The following SMARCD2 variants were observed in gnomAD, a reference collection of about 807,000 sequenced individuals.
SMARCD2 encodes the protein SWI/SNF-related matrix-associated actin-dependent regulator of chromatin subfamily D member 2.
SMARCD2 carries 39 observed loss-of-function variants against 70.4 expected under a neutral mutation model. The ratio of observed to expected loss-of-function variants is 0.55; its 90% CI spans 0.43 to 0.72. The LOEUF (loss-of-function observed/expected upper bound fraction) is 0.72. Among genes scored for constraint, SMARCD2 ranks in the 30% least tolerant of loss-of-function variants. The pLI, the probability that SMARCD2 is intolerant of heterozygous loss-of-function variation, is 0.00. For missense variants in SMARCD2, 540 were observed against 713.4 expected (o/e 0.76, Z 2.77); for synonymous variants, 249 against 279.4 (o/e 0.89, Z 1.08).
chr17:63,839,245 G>C, intron 1 of SMARCD2: 1 of 985,428 alleles, frequency 1.0e-6, no homozygotes, highest in Non-Finnish European at 1.2e-6. Flanking sequence ...CTGAGACAAA[G>C]ACAGGGAAGA....
rs952284887 is a variant in SMARCD2 at position 63,834,671 on chromosome 17, C to T, written c.819+34G>A. 3.1e-6 allele frequency: 5 copies of T among 1,587,404 alleles called. No individual in the cohort carries two copies. The highest frequency in any genetic ancestry group is 1.1e-5 in the South Asian group (1 of 90,524). On this transcript the variant is annotated intron_variant, in intron 6 of 12. Coordinates refer to ENST00000448276, the MANE Select transcript of SMARCD2 (RefSeq NM_001098426.2). This position sits in a 1 kb window ranked among gnomAD's most constrained non-coding sequence, Gnocchi z 5.6. ...AGGCCATTTCCCTGCCAAACCTGCA[C>T]ATCAGCCTGCTTTTGCCCCAGGCCC...
At chr17:63,836,812 C>G in intron 4 of SMARCD2, 110 bp downstream of exon 4, 1 of 968,442 alleles carries the variant, frequency 1.0e-6, no homozygotes, top group Non-Finnish European at 1.6e-6. Flanking sequence ...TGGGCTGCAT[C>G]CTGCATGTGA....
Position 63,834,110 on chromosome 17 carries a change from G to T in SMARCD2, c.1083+57C>A. 1.2e-6 allele frequency: 2 copies of T among 1,603,114 alleles called. No individual in the cohort carries two copies. The highest frequency in any genetic ancestry group is 1.7e-6 in the Non-Finnish European group (2 of 1,171,574). The stretch of plus-strand genomic sequence containing the variant: ...GTCTGCAGGCTGTGGCCAAGGAGTA[G>T]CCCAGCAGGCAAGGCAAAGCAAGGG... On this transcript the variant is annotated intron_variant, in intron 8 of 12. Coordinates refer to ENST00000448276, the MANE Select transcript of SMARCD2 (RefSeq NM_001098426.2). The surrounding 1 kb of genome is among the most constrained non-coding windows in gnomAD (Gnocchi z 5.6).
chr17:63,836,834 C>G lies in SMARCD2; in HGVS notation c.567+88G>C, dbSNP rs967064242. ...CATCCTGCATGTGAAAAACCCGGCTCTAGCCCAACTTGCTTGGCCCCTGGA... is the reference window on the plus strand; with the variant it reads ...CATCCTGCATGTGAAAAACCCGGCTGTAGCCCAACTTGCTTGGCCCCTGGA... On this transcript the variant is annotated intron_variant, in intron 4 of 12. Transcript: ENST00000448276. The G allele has an allele frequency of 3.6e-6, 5 of 1,389,442 alleles. No homozygotes were observed. In the African/African-American group the frequency reaches 4.3e-5, roughly 12 times the overall value. The allele number at this position is 1,389,442 out of a possible 1,614,324, so 86.1% of individuals were successfully genotyped here.
Position 63,834,462 on chromosome 17 carries a change from G to A in SMARCD2, c.921+12C>T. The A allele has an allele frequency of 6.4e-7, 1 of 1,572,628 alleles. No individual in the cohort carries two copies. The highest frequency in any genetic ancestry group is 8.7e-7 in the Non-Finnish European group (1 of 1,153,482). On this transcript the variant is annotated intron_variant, in intron 7 of 12. Coordinates refer to ENST00000448276, the MANE Select transcript of SMARCD2 (RefSeq NM_001098426.2). The surrounding 1 kb of genome is among the most constrained non-coding windows in gnomAD (Gnocchi z 5.6). ...CCTGTGGGCCCAGAAATGACCCCAG[G>A]GTCTCTGTCACCTGATGATCCAGCA...
In SMARCD2 at chr17:63,834,273, T is replaced by G; in HGVS notation, c.977A>C (p.Gln326Pro). Residue 326 changes from glutamine to proline, a missense_variant, in exon 8 of 13, where the codon CAG (glutamine) becomes CCG (proline). Coordinates refer to ENST00000448276, the MANE Select transcript of SMARCD2 (RefSeq NM_001098426.2). The surrounding 1 kb of genome is among the most constrained non-coding windows in gnomAD (Gnocchi z 5.6). ...GGCCTGCATGATGGCGGCCCTCGTC[T>G]GCGTGTGCACTCCCAGCAGCCTTGC... ...RLARLLGVHT[Q>P]TRAAIMQALW... The G allele has an allele frequency of 6.2e-7, 1 of 1,611,774 alleles. No individual in the cohort carries two copies. The highest frequency in any genetic ancestry group is 1.1e-5 in the South Asian group (1 of 90,672).
rs747318887 is a variant in SMARCD2 at position 63,835,466 on chromosome 17, T to G, written c.669A>C (p.Ala223=). ...GTAGTPGGTP[A]GDKVASWELR... is the part of the protein sequence containing the mutation. ...GTTCCCAGGAAGCCACCTTGTCCCC[T>G]GCTGGGGTTCCCCCAGGGGTCCCTG... Residue 223 remains alanine (A), a synonymous_variant, in exon 5 of 13, where the codon GCA becomes GCC. Coordinates refer to ENST00000448276, the MANE Select transcript of SMARCD2 (RefSeq NM_001098426.2). 1 of 1,613,930 alleles carries G rather than the reference T, an allele frequency of 6.2e-7. No individual in the cohort carries two copies. Among genetic ancestry groups the G allele is most frequent in the East Asian group, 2.2e-5 (1 of 44,892 alleles).
chr17:63,836,519 A>G lies in SMARCD2; in HGVS notation c.567+403T>C, dbSNP rs527773745. ...ATCTCAGAAAAAAAAAAAAAAAAAAAAAAGAAAATTTCTCTATGGATGGGG... is the reference window on the plus strand; with the variant it reads ...ATCTCAGAAAAAAAAAAAAAAAAAAGAAAGAAAATTTCTCTATGGATGGGG... On this transcript the variant is annotated intron_variant, in intron 4 of 12. Transcript: ENST00000448276. Among the ~76,000 whole-genome samples, 307 of 151,648 alleles carry G rather than the reference A, an allele frequency of 2.0e-3. 3 individuals carry two copies. The highest frequency in any genetic ancestry group is 6.6e-3 in the African/African-American group (272 of 41,284).
At position 63,842,678 on chromosome 17, in the gene SMARCD2, TCCGTC is replaced by T; in HGVS notation, c.-9_-5del. On this transcript the variant is annotated 5_prime_UTR_variant, in exon 1 of 13. Coordinates refer to ENST00000448276, the MANE Select transcript of SMARCD2 (RefSeq NM_001098426.2). ...CGCCCGCGCCTCGGCCCGACATCGC[TCCGTC>T]CCGTCCCGCGGTGCCGCGATCCGGA... The T allele has an allele frequency of 2.3e-6, 3 of 1,311,910 alleles. No homozygotes were observed. The highest frequency in any genetic ancestry group is 2.0e-5 in the South Asian group (1 of 49,006). The allele number at this position is 1,311,910 out of a possible 1,614,324, so 81.3% of individuals were successfully genotyped here.
In SMARCD2 at chr17:63,842,510, C is replaced by T. The variant is rs931300975; in HGVS notation, c.165G>A (p.Gly55=). 2.0e-5 allele frequency: 24 copies of T among 1,230,056 alleles called. No homozygotes were observed. The African/African-American group carries it at 2.5e-4, about 13-fold the overall frequency. The allele number at this position is 1,230,056 out of a possible 1,614,324, so 76.2% of individuals were successfully genotyped here. A position where few individuals can be genotyped will look rare whatever the true frequency, so the allele number is the denominator to read the frequency against. ...PGPAGGVGGP[G]AAAFRPMGPA... Reference sequence around the variant, plus strand: ...GGCCCATGGGGCGGAAGGCGGCGGCCCCGGGGCCCCCCACGCCTCCTGCCG... The same window carrying T: ...GGCCCATGGGGCGGAAGGCGGCGGCTCCGGGGCCCCCCACGCCTCCTGCCG... Residue 55 remains glycine (G), a synonymous_variant, in exon 1 of 13, where the codon GGG becomes GGA. Coordinates refer to ENST00000448276, the MANE Select transcript of SMARCD2 (RefSeq NM_001098426.2).
chr17:63,833,284 A>C lies in SMARCD2; in HGVS notation c.1440+14T>G. On this transcript the variant is annotated intron_variant, in intron 11 of 12. Transcript: ENST00000448276. The surrounding 1 kb of genome is among the most constrained non-coding windows in gnomAD (Gnocchi z 4.3). ...AGCTTTACATAGGAGTCCCCTCGGG[A>C]AAGAGGACTACACCTTGAGGTCTCG... The C allele has an allele frequency of 1.2e-6, 2 of 1,613,946 alleles. No homozygotes were observed. The highest frequency in any genetic ancestry group is 1.7e-6 in the Non-Finnish European group (2 of 1,179,846).
chr17:63,842,638 G>T lies in SMARCD2; in HGVS notation c.37C>A (p.Pro13Thr). ...ACGGCGCCGCCGCCAGGGCTTAGCG[G>T]GGGCAGCGGGAACCCGCCCGCGCCT... ...GRGAGGFPLP[P>T]LSPGGGAVAA... Residue 13 changes from proline to threonine, a missense_variant, in exon 1 of 13, where the codon CCG (proline) becomes ACG (threonine). Coordinates refer to ENST00000448276, the MANE Select transcript of SMARCD2 (RefSeq NM_001098426.2). The T allele has an allele frequency of 1.6e-6, 2 of 1,258,716 alleles. No homozygotes were observed. Among genetic ancestry groups the T allele is most frequent in the East Asian group, 3.2e-5 (1 of 31,456 alleles). The allele number at this position is 1,258,716 out of a possible 1,614,324, so 78.0% of individuals were successfully genotyped here.
Position 63,832,182 on chromosome 17 carries a change from C to T in SMARCD2, c.*756G>A, listed in dbSNP as rs892917155. On this transcript the variant is annotated 3_prime_UTR_variant, in exon 13 of 13. Transcript: ENST00000448276. The stretch of plus-strand genomic sequence containing the variant: ...CTCACCAAGCTCCAAAGGGCAACAC[C>T]AGTCCTCCCAGCCTCCCCATTCACC... 8.4e-6 allele frequency: 5 copies of T among 596,334 alleles called. No homozygotes were observed. In the African/African-American group the frequency reaches 9.3e-5, roughly 11 times the overall value. 36.9% of individuals were successfully genotyped at this position (596,334 alleles called of 1,614,324 possible).
In SMARCD2 at chr17:63,833,526, G is replaced by C. The variant is rs891905053; in HGVS notation, c.1317+61C>G. 4.3e-6 allele frequency: 7 copies of C among 1,612,112 alleles called. No homozygotes were observed. The African/African-American group carries it at 9.4e-5, about 22-fold the overall frequency. On this transcript the variant is annotated intron_variant, in intron 10 of 12. Coordinates refer to ENST00000448276, the MANE Select transcript of SMARCD2 (RefSeq NM_001098426.2). The surrounding 1 kb of genome is among the most constrained non-coding windows in gnomAD (Gnocchi z 4.3). Reference sequence around the variant, plus strand: ...AGGTGCTACATGTATGGAAATGCTGGACAGAGCCAGCCCACCCCAATCCTG... The same window carrying C: ...AGGTGCTACATGTATGGAAATGCTGCACAGAGCCAGCCCACCCCAATCCTG...
At chr17:63,842,105 C>A (rs150437088) in intron 1 of SMARCD2, among the ~76,000 whole-genome samples, 13 of 152,292 alleles carry the variant, frequency 8.5e-5, no homozygotes, top group Non-Finnish European at 1.3e-4. Context: ...TCAGCGAGGG[C>A]CCTTTCCCAA....
Position 63,834,990 on chromosome 17 carries a change from G to C in SMARCD2, c.724-190C>G, listed in dbSNP as rs114430187. 1.7e-6 allele frequency: 1 copy of C among 594,244 alleles called. No homozygotes were observed. The highest frequency in any genetic ancestry group is 1.9e-5 in the African/African-American group (1 of 53,718). The allele number at this position is 594,244 out of a possible 1,614,324, so 36.8% of individuals were successfully genotyped here. On this transcript the variant is annotated intron_variant, in intron 5 of 12. Transcript: ENST00000448276. The surrounding 1 kb of genome is among the most constrained non-coding windows in gnomAD (Gnocchi z 5.6). ...GAAATGGTGCCCTCTTGCAGCCCACGAGGGACTTCCTCGAGACACTCGACT... is the reference window on the plus strand; with the variant it reads ...GAAATGGTGCCCTCTTGCAGCCCACCAGGGACTTCCTCGAGACACTCGACT...
In SMARCD2 at chr17:63,832,932, G is replaced by A. The variant is rs771137408; in HGVS notation, c.*6C>T. On this transcript the variant is annotated 3_prime_UTR_variant, in exon 13 of 13. Transcript: ENST00000448276. ...TCCAGGGCTGGGAAGAAAGATCCCT[G>A]AGCAGTTAGGTCAGGCGAATTCCCA... is the stretch of plus-strand genomic sequence containing the variant. The A allele has an allele frequency of 1.3e-6, 2 of 1,560,130 alleles. No homozygotes were observed. The highest frequency in any genetic ancestry group is 8.7e-7 in the Non-Finnish European group (1 of 1,153,274).
chr17:63,839,236 T>C, intron 1 of SMARCD2: 1 of 985,352 alleles, frequency 1.0e-6, no homozygotes, highest in Non-Finnish European at 1.2e-6. Context: ...TCCTAGTGCC[T>C]GAGACAAAGA....
Position 63,837,340 on chromosome 17 carries a change from C to G in SMARCD2, c.401+101G>C. On this transcript the variant is annotated intron_variant, in intron 2 of 12. Coordinates refer to ENST00000448276, the MANE Select transcript of SMARCD2 (RefSeq NM_001098426.2). The surrounding 1 kb of genome is among the most constrained non-coding windows in gnomAD (Gnocchi z 6.4). The stretch of plus-strand genomic sequence containing the variant: ...CCAGGACCCTCTCCCCCAGGAGAGC[C>G]TGGAGTCATCCTCAGTCACCAAAGC... The G allele has an allele frequency of 6.6e-7, 1 of 1,516,858 alleles. No individual in the cohort carries two copies. Among genetic ancestry groups the G allele is most frequent in the Non-Finnish European group, 9.2e-7 (1 of 1,092,038 alleles). 94.0% of individuals were successfully genotyped at this position (1,516,858 alleles called of 1,614,324 possible). A position where few individuals can be genotyped will look rare whatever the true frequency, so the allele number is the denominator to read the frequency against.
Sources: gnomAD v4.1 joint callset for allele counts (sites outside exome capture counted in the v4.1 genomes callset) on GRCh38, gnomAD v4.1.1 for gene constraint, Gnocchi (gnomAD v3.1) non-coding constraint, MANE v1.5 for transcripts, NCBI Gene and HGNC (gene_info 2026-07-23, HGNC 2026-07-21) for gene names.